Variants in TRPM1 observed in about 807,000 individuals in gnomAD.
TRPM1 encodes the protein TRPM1-203 APA Isoform, Intron 10.
In TRPM1, 113 loss-of-function variants were observed where a neutral mutation model predicts 149.4. The observed-to-expected ratio is 0.76, with a 90% CI of 0.65 to 0.88. TRPM1 has a LOEUF of 0.88. Among genes scored for constraint, TRPM1 ranks in the 40% least tolerant of loss-of-function variants. The pLI is 0.00. For missense variants in TRPM1, 1,976 were observed against 2,038.7 expected (o/e 0.97, Z 0.59); for synonymous variants, 741 against 759.5 (o/e 0.98, Z 0.40).
rs1171247123 is a variant in TRPM1, at chr15:31,042,052, G to C, written c.1986C>G (p.Ala662=). The C allele has an allele frequency of 1.2e-6, 2 of 1,614,082 alleles. No individual in the cohort carries two copies. Among genetic ancestry groups the C allele is most frequent in the Non-Finnish European group, 1.7e-6 (2 of 1,179,950 alleles). The change falls in exon 17 of 28, where the codon GCC becomes GCG. Residue 662 remains alanine, a synonymous_variant. Coordinates refer to ENST00000256552, the MANE Select transcript of TRPM1 (RefSeq NM_001252024.2). ...FLWQRGEESM[A]KALVACKLYK... is the part of the protein sequence containing the mutation. ...AGAGCTTGCAGGCCACCAGGGCCTT[G>C]GCCATGCTCTCTTCCCCTCGCTGCC...
chr15:31,056,875 T>A (rs1051461622), intron 11 of TRPM1, among the ~76,000 whole-genome samples: 1 of 152,144 alleles, frequency 6.6e-6, no homozygotes, highest in Non-Finnish European at 1.5e-5. Flanking sequence ...AAGAAATAAA[T>A]CTCCTTTCTT....
intron 16 of TRPM1, among the ~76,000 whole-genome samples, chr15:31,044,362 A>G (rs1235870995): frequency 6.6e-6 from 1 of 152,212 alleles, no homozygotes; most frequent in Non-Finnish European, 1.5e-5. Context: ...ATACAAATAA[A>G]AGCAGACATT....
intron 27 of TRPM1, among the ~76,000 whole-genome samples, chr15:31,018,013 C>T (rs2032429722): frequency 1.3e-5 from 2 of 152,146 alleles, no homozygotes; most frequent in South Asian, 4.1e-4. Context: ...GTTGTTAAAA[C>T]CTGTTTTATT....
At chr15:31,038,660 C>T (rs984562877) in intron 18 of TRPM1, among the ~76,000 whole-genome samples, 3 of 152,184 alleles carry the variant, frequency 2.0e-5, no homozygotes, top group East Asian at 1.9e-4. Flanking sequence ...TGCAGTGAGG[C>T]GAGATCGCGC....
In TRPM1 at chr15:31,027,019, G is replaced by T. The variant is rs2032800534; in HGVS notation, c.3392C>A (p.Pro1131Gln). Residue 1131 changes from proline to glutamine, a missense_variant, in exon 26 of 28, where the codon CCA becomes CAA. Physicochemically the swap from Pro to Gln is moderately conservative, Grantham distance 76 (BLOSUM62 -1). This residue lies in a region of TRPM1 where 72 missense variants were observed against 112.7 expected (regional missense o/e 0.64). Coordinates refer to ENST00000256552, the MANE Select transcript of TRPM1 (RefSeq NM_001252024.2). ...MTFHDRPVLP[P>Q]PMIILSHIYI... ...GATGTGGCTTAAAATGATCATCGGT[G>T]GGGGCAGGACTGGCCTGTCATGAAA... 6 of 1,614,180 alleles carry T rather than the reference G, an allele frequency of 3.7e-6. No individual in the cohort carries two copies. The highest frequency in any genetic ancestry group is 1.1e-5 in the South Asian group (1 of 91,078).
chr15:31,078,809 G>GT (rs1338973049), intron 2 of TRPM1, among the ~76,000 whole-genome samples: 7 of 152,154 alleles, frequency 4.6e-5, no homozygotes, highest in African/African-American at 1.7e-4. Flanking sequence ...GGAAGCCCTT[G>GT]TTTTTTATAA....
At chr15:31,074,651 A>T (rs1294675671) in intron 3 of TRPM1, among the ~76,000 whole-genome samples, 1 of 152,014 alleles carries the variant, frequency 6.6e-6, no homozygotes, top group East Asian at 1.9e-4. Context: ...AATTTCATTG[A>T]ATTTCTCTAC....
chr15:31,140,602 T>C (rs1358027612), intron 1 of TRPM1, among the ~76,000 whole-genome samples: 1 of 152,126 alleles, frequency 6.6e-6, no homozygotes, highest in Non-Finnish European at 1.5e-5. Context: ...TCTTGCTTCT[T>C]CTCTTCCATG....
chr15:31,149,741 G>T (rs185004499), intron 1 of TRPM1, among the ~76,000 whole-genome samples: 2 of 151,966 alleles, frequency 1.3e-5, no homozygotes, highest in African/African-American at 2.4e-5. Flanking sequence ...GGATGGTCTC[G>T]ATCTCCTGAC....
intron 20 of TRPM1, 93 bp downstream of exon 20, chr15:31,037,618 A>G: frequency 9.7e-6 from 15 of 1,543,918 alleles, no homozygotes; most frequent in South Asian, 6.8e-5. Context: ...GAATTTTTAG[A>G]TACTTTTTTA....
chr15:31,088,062 T>C (rs965647231), intron 1 of TRPM1, among the ~76,000 whole-genome samples: 7 of 152,196 alleles, frequency 4.6e-5, no homozygotes, highest in Non-Finnish European at 8.8e-5. Context: ...TTGTGAGAGG[T>C]GCAGCCGACT....
intron 27 of TRPM1, 58 bp downstream of exon 27, chr15:31,026,081 G>A: frequency 6.2e-7 from 1 of 1,604,334 alleles, no homozygotes; most frequent in Non-Finnish European, 8.5e-7. Context: ...CATAGAGTGG[G>A]GCGCCCGAGT....
In TRPM1 at chr15:31,003,033, C is replaced by CA. The variant is rs1566982738; in HGVS notation, c.3666dup (p.Glu1223Ter). ...GAAGTTTTCATAAAAGTTTCTCTTT[C>CA]ATTGATTTCTTCCAACCTCATTGAC... On this transcript the variant is annotated frameshift_variant, in exon 28 of 28. Coordinates refer to ENST00000256552, the MANE Select transcript of TRPM1 (RefSeq NM_001252024.2). LOFTEE classifies it low-confidence loss of function (END_TRUNC). 17 of 1,599,502 alleles carry CA rather than the reference C, an allele frequency of 1.1e-5. No homozygotes were observed. The highest frequency in any genetic ancestry group is 1.4e-5 in the Non-Finnish European group (16 of 1,175,966).
intron 2 of TRPM1, among the ~76,000 whole-genome samples, chr15:31,078,327 C>A (rs558269987): frequency 6.6e-6 from 1 of 152,220 alleles, no homozygotes; most frequent in Admixed American, 6.5e-5. Flanking sequence ...GAGGTCATGC[C>A]GATGCCCCAT....
intron 2 of TRPM1, among the ~76,000 whole-genome samples, chr15:31,080,321 G>T (rs1389917467): frequency 6.6e-6 from 1 of 152,136 alleles, no homozygotes; most frequent in Non-Finnish European, 1.5e-5. Context: ...TAACTTGACA[G>T]TGGAGAATTC....
intron 1 of TRPM1, among the ~76,000 whole-genome samples, chr15:31,143,498 T>C (rs1015636190): frequency 6.6e-6 from 1 of 152,210 alleles, no homozygotes; most frequent in African/African-American, 2.4e-5. Context: ...CTTGGCTCAC[T>C]GTAACCTCTG....
intron 17 of TRPM1, among the ~76,000 whole-genome samples, chr15:31,041,554 C>G (rs1486275521): frequency 6.6e-6 from 1 of 152,274 alleles, no homozygotes; most frequent in East Asian, 1.9e-4. Flanking sequence ...TCCTGTCCCA[C>G]CTAAGCATGG....
In TRPM1 at chr15:31,046,959, G is replaced by A. The variant is rs557610301; in HGVS notation, c.1764+152C>T. The A allele has an allele frequency of 2.8e-6, 3 of 1,078,976 alleles. No individual in the cohort carries two copies. In the East Asian group the frequency reaches 7.1e-5, roughly 26 times the overall value. The allele number at this position is 1,078,976 out of a possible 1,614,324, so 66.8% of individuals were successfully genotyped here. On this transcript the variant is annotated intron_variant, in intron 15 of 27. Transcript: ENST00000256552. Reference sequence around the variant, plus strand: ...CTCAGGGGAGCTGGAGAATGCCGTGGCTCTGGCCTGAGAGCACTGTAGGAG... The same window carrying A: ...CTCAGGGGAGCTGGAGAATGCCGTGACTCTGGCCTGAGAGCACTGTAGGAG...
In TRPM1 at chr15:31,035,718, T is replaced by C. The variant is rs766663311; in HGVS notation, c.2572-44A>G. ...GTTAGCCGTGTTTGGGGGAATCACATAGCAATCAAATTTTGAAACGCTGTT... is the reference window on the plus strand; with the variant it reads ...GTTAGCCGTGTTTGGGGGAATCACACAGCAATCAAATTTTGAAACGCTGTT... On this transcript the variant is annotated intron_variant, in intron 20 of 27. Transcript: ENST00000256552. 9.3e-6 allele frequency: 15 copies of C among 1,613,814 alleles called. No individual in the cohort carries two copies. In the African/African-American group the frequency reaches 1.7e-4, roughly 19 times the overall value.
Sources: allele counts gnomAD v4.1 joint callset (sites outside exome capture counted in the v4.1 genomes callset), GRCh38; gene constraint gnomAD v4.1.1; regional missense constraint gnomAD v4.1.1; transcripts MANE v1.5; gene names NCBI Gene and HGNC (gene_info 2026-07-23, HGNC 2026-07-21).